Variants in CYP2C19 observed in about 807,000 individuals in gnomAD.
CYP2C19 encodes the protein cytochrome P450 family 2 subfamily C member 19, also known as cytochrome P450 2C19.
A neutral mutation model predicts 40.9 loss-of-function variants in CYP2C19; 59 were observed. The ratio of observed to expected loss-of-function variants is 1.44; its 90% CI spans 1.17 to 1.79. CYP2C19 has a LOEUF of 1.79. CYP2C19 is among the 40% of genes most tolerant of loss of function. The probability of loss-of-function intolerance (pLI) is 0.00; values close to 1 mark genes in which losing one functional copy is unlikely to be tolerated. For synonymous variants in CYP2C19, 253 were observed against 208.7 expected, an observed-to-expected ratio of 1.21 and a Z score of -1.83; for missense variants, 754 against 596.9, an observed-to-expected ratio of 1.26 and a Z score of -2.74.
At position 94,850,006 on chromosome 10, in the gene CYP2C19, G is replaced by A. The variant is rs1483247901; in HGVS notation, c.1239G>A (p.Leu413=). Residue 413 remains leucine, a synonymous_variant, in exon 8 of 9, where the codon CTG becomes CTA. Coordinates refer to ENST00000371321, the MANE Select transcript of CYP2C19 (RefSeq NM_000769.4). ...AGATGTTTGACCCTCGTCACTTTCT[G>A]GATGAAGGTGGAAATTTTAAGAAAA... The part of the protein sequence containing the change: ...NPEMFDPRHF[L]DEGGNFKKSN... 1 of 1,613,636 alleles carries A rather than the reference G, an allele frequency of 6.2e-7. No homozygotes were observed. Among genetic ancestry groups the A allele is most frequent in the Non-Finnish European group, 8.5e-7 (1 of 1,179,736 alleles).
intron 6 of CYP2C19, among the ~76,000 whole-genome samples, chr10:94,829,058 T>C (rs1174850081): frequency 1.3e-5 from 2 of 152,212 alleles, no homozygotes; most frequent in African/African-American, 4.8e-5. Context: ...GGCTTCCCTT[T>C]GAGGGTAACC....
chr10:94,764,702 T>C (rs568165073), intron 1 of CYP2C19, among the ~76,000 whole-genome samples: 7 of 151,656 alleles, frequency 4.6e-5, no homozygotes, highest in Non-Finnish European at 1.0e-4. Context: ...TTGGAAGGAG[T>C]TGTTAGTTGA....
intron 5 of CYP2C19, among the ~76,000 whole-genome samples, chr10:94,807,562 G>A (rs1293170551): frequency 1.3e-5 from 2 of 152,002 alleles, no homozygotes; most frequent in Non-Finnish European, 2.9e-5. Context: ...GCTGTCTTTT[G>A]TCTTTTTGAT....
intron 5 of CYP2C19, among the ~76,000 whole-genome samples, chr10:94,783,649 A>G (rs577324078): frequency 7.9e-5 from 12 of 152,074 alleles, no homozygotes; most frequent in Non-Finnish European, 1.2e-4. Flanking sequence ...CCATTGATCT[A>G]TGTGTCTGTC....
intron 6 of CYP2C19, among the ~76,000 whole-genome samples, chr10:94,836,821 G>A (rs1255410033): frequency 6.6e-6 from 1 of 152,224 alleles, no homozygotes; most frequent in Non-Finnish European, 1.5e-5. Context: ...TGGCTTGATG[G>A]CACAAGGTTT....
chr10:94,771,876 A>G (rs1848338233), intron 1 of CYP2C19, among the ~76,000 whole-genome samples: 3 of 152,122 alleles, frequency 2.0e-5, no homozygotes, highest in African/African-American at 7.2e-5. Flanking sequence ...TTCCTCCTAG[A>G]CCAGAAGGAG....
chr10:94,841,460 G>C (rs556471727), intron 6 of CYP2C19, among the ~76,000 whole-genome samples: 2 of 152,308 alleles, frequency 1.3e-5, no homozygotes, highest in East Asian at 1.9e-4. Context: ...GACCAGAAGA[G>C]TGCAGTTGCA....
intron 6 of CYP2C19, among the ~76,000 whole-genome samples, chr10:94,826,377 C>T (rs1225243562): frequency 6.6e-6 from 1 of 152,032 alleles, no homozygotes; most frequent in African/African-American, 2.4e-5. Flanking sequence ...CCTTCACATC[C>T]CTTGTAAGTT....
chr10:94,772,222 A>G (rs1848343010), intron 1 of CYP2C19, among the ~76,000 whole-genome samples: 1 of 148,900 alleles, frequency 6.7e-6, no homozygotes, highest in Non-Finnish European at 1.5e-5. Context: ...TCCTAGCTTC[A>G]GGAATAGTTT....
At chr10:94,836,220 A>C (rs1034102616) in intron 6 of CYP2C19, among the ~76,000 whole-genome samples, 1 of 152,190 alleles carries the variant, frequency 6.6e-6, no homozygotes, top group Non-Finnish European at 1.5e-5. Flanking sequence ...CCACACAGTA[A>C]GATCTCTTCC....
intron 5 of CYP2C19, among the ~76,000 whole-genome samples, chr10:94,815,684 C>T (rs776563607): frequency 1.2e-4 from 19 of 152,198 alleles, no homozygotes; most frequent in Non-Finnish European, 2.6e-4. Flanking sequence ...TATTCCTGCA[C>T]TACTTGCATT....
rs570380197 is a variant in CYP2C19, at chr10:94,830,355, T to G, written c.961+9718T>G. On this transcript the variant is annotated intron_variant, in intron 6 of 8. Coordinates refer to ENST00000371321, the MANE Select transcript of CYP2C19 (RefSeq NM_000769.4). ...GAGCCAGGTGCGGGATATAATCTCG[T>G]GGTGCACCGTTTTTTAAGCCCATCG... Among the ~76,000 whole-genome samples, 235 of 152,358 alleles carry G rather than the reference T, an allele frequency of 1.5e-3. 2 individuals carry two copies. Among genetic ancestry groups the G allele is most frequent in the African/African-American group, 5.4e-3 (225 of 41,596 alleles).
intron 7 of CYP2C19, among the ~76,000 whole-genome samples, chr10:94,846,573 T>C (rs1849575347): frequency 6.6e-6 from 1 of 152,198 alleles, no homozygotes; most frequent in Non-Finnish European, 1.5e-5. Flanking sequence ...CTTTCATTGA[T>C]GATCCTTGCC....
intron 5 of CYP2C19, among the ~76,000 whole-genome samples, chr10:94,813,033 C>A (rs900985494): frequency 6.6e-6 from 1 of 151,346 alleles, no homozygotes; most frequent in East Asian, 1.9e-4. Flanking sequence ...ATGTTGGTGA[C>A]CTTTGAATGG....
At chr10:94,803,282 T>C (rs1349613522) in intron 5 of CYP2C19, among the ~76,000 whole-genome samples, 6 of 152,192 alleles carry the variant, frequency 3.9e-5, no homozygotes, top group Admixed American at 3.3e-4. Context: ...AATGGGGGTG[T>C]AACTATAAAG....
At chr10:94,808,637 C>T (rs908489267) in intron 5 of CYP2C19, among the ~76,000 whole-genome samples, 1 of 152,102 alleles carries the variant, frequency 6.6e-6, no homozygotes, top group Non-Finnish European at 1.5e-5. Flanking sequence ...TCTCCATGGG[C>T]TCAATTGTTT....
At chr10:94,837,752 G>A (rs1026501608) in intron 6 of CYP2C19, among the ~76,000 whole-genome samples, 5 of 152,098 alleles carry the variant, frequency 3.3e-5, no homozygotes, top group Non-Finnish European at 7.4e-5. Flanking sequence ...AAGCATACCC[G>A]GGGTTCTGTG....
intron 1 of CYP2C19, among the ~76,000 whole-genome samples, chr10:94,767,381 A>C (rs4396216): frequency 0.98 from 148,840 of 152,264 alleles, 72,850 homozygotes; most frequent in East Asian, 1. Flanking sequence ...TGGGGAAGCC[A>C]AAATCTAGGA....
rs1236898599 is a variant in CYP2C19, at chr10:94,838,522, G to C, written c.962-4315G>C. On this transcript the variant is annotated intron_variant, in intron 6 of 8. Transcript: ENST00000371321. Reference sequence around the variant, plus strand: ...TTGCTTTAAGTCTGAGAGAGAAAAAGGTACATGCACTCTGGCTGGGCCGAA... The same window carrying C: ...TTGCTTTAAGTCTGAGAGAGAAAAACGTACATGCACTCTGGCTGGGCCGAA... Among the ~76,000 whole-genome samples the C allele has an allele frequency of 2.0e-5, 3 of 152,212 alleles. No individual in the cohort carries two copies. In the East Asian group the frequency reaches 5.8e-4, roughly 29 times the overall value.
Sources: allele counts gnomAD v4.1 joint callset (sites outside exome capture counted in the v4.1 genomes callset), GRCh38; gene constraint gnomAD v4.1.1; transcripts MANE v1.5; gene names NCBI Gene and HGNC (gene_info 2026-07-23, HGNC 2026-07-21).